The following FOXP2 variants were observed in gnomAD, a reference collection of about 807,000 sequenced individuals.
FOXP2 encodes forkhead box protein P2.
FOXP2 carries 12 observed loss-of-function variants against 115.8 expected under a neutral mutation model. That is an observed-to-expected ratio of 0.10 (90% CI 0.07 to 0.17). The LOEUF (loss-of-function observed/expected upper bound fraction) is 0.17. FOXP2 is among the 10% of genes least tolerant of loss of function. The probability of loss-of-function intolerance (pLI) is 1.00; values close to 1 mark genes in which losing one functional copy is unlikely to be tolerated. For missense variants in FOXP2, 629 were observed against 843.5 expected, an observed-to-expected ratio of 0.75 and a Z score of 3.15; for synonymous variants, 328 against 297.7, an observed-to-expected ratio of 1.10 and a Z score of -1.05.
chr7:114,091,094 A>G (rs572140335), intron 1 of FOXP2, among the ~76,000 whole-genome samples: 2 of 151,946 alleles, frequency 1.3e-5, no homozygotes, highest in East Asian at 3.9e-4. Context: ...TTTCCTGTAA[A>G]ATAAATGGGT....
At chr7:114,640,508 T>C (rs1297448677) in intron 6 of FOXP2, among the ~76,000 whole-genome samples, 1 of 152,188 alleles carries the variant, frequency 6.6e-6, no homozygotes, top group Non-Finnish European at 1.5e-5. Flanking sequence ...CCAGAAGTTA[T>C]GTTTGGAACA....
At chr7:114,645,978 G>T (rs1257159048) in intron 8 of FOXP2, 1 of 141,444 alleles carries the variant, frequency 7.1e-6, no homozygotes, top group Non-Finnish European at 1.5e-5. Context: ...GTTGTGAGCT[G>T]CCATTTCCTT....
At chr7:114,252,426 CT>C (rs1208224005) in intron 1 of FOXP2, among the ~76,000 whole-genome samples, 1 of 151,966 alleles carries the variant, frequency 6.6e-6, no homozygotes, top group Non-Finnish European at 1.5e-5. Flanking sequence ...TGGTCCTGGA[CT>C]TTTTTTGGTT....
At position 114,163,997 on chromosome 7, in the gene FOXP2, C is replaced by T. The variant is rs753083002; in HGVS notation, c.-102+909C>T. ...AATGAAAACTTAATAAAGTTGACTA[C>T]GGCTAAGTCATACATTGCATACAGT... On this transcript the variant is annotated intron_variant, in intron 1 of 17. Transcript: ENST00000634411. Among the ~76,000 whole-genome samples the T allele has an allele frequency of 1.2e-4, 18 of 152,282 alleles. 1 individual carries two copies. Among genetic ancestry groups the T allele is most frequent in the South Asian group, 6.2e-4 (3 of 4,824 alleles).
chr7:114,546,804 C>T (rs1799946730), intron 3 of FOXP2, among the ~76,000 whole-genome samples: 1 of 152,212 alleles, frequency 6.6e-6, no homozygotes, highest in South Asian at 2.1e-4. Flanking sequence ...ACTTCTCTAG[C>T]TCAATCGCAG....
rs147417700 is a variant in FOXP2 at position 114,124,069 on chromosome 7, C to CCT, written c.-247+36244_-247+36245dup. On this transcript the variant is annotated intron_variant, in intron 1 of 19. Coordinates refer to the FOXP2 transcript ENST00000635638. ...ATGGGTTTCTTTCTTCCATTTTTAT[C>CCT]CTCTCTCTCTCTCTGTTGCCTGTAA... Among the ~76,000 whole-genome samples the CCT allele has an allele frequency of 2.0e-3, 303 of 150,254 alleles. 2 individuals are homozygous for CCT. The highest frequency in any genetic ancestry group is 6.8e-3 in the African/African-American group (280 of 41,208).
intron 1 of FOXP2, among the ~76,000 whole-genome samples, chr7:114,257,735 G>T (rs557207911): frequency 1.1e-4 from 16 of 152,074 alleles, no homozygotes; most frequent in Non-Finnish European, 2.2e-4. Flanking sequence ...TTACTGGCAT[G>T]AGCCACCGTG....
At chr7:114,277,560 A>G (rs902440558) in intron 1 of FOXP2, among the ~76,000 whole-genome samples, 46 of 152,278 alleles carry the variant, frequency 3.0e-4, no homozygotes, top group African/African-American at 1.1e-3. Context: ...CTTGCAAGCC[A>G]GTTTCCTACA....
At chr7:114,553,546 TA>T (rs1166519270) in intron 3 of FOXP2, among the ~76,000 whole-genome samples, 23 of 152,298 alleles carry the variant, frequency 1.5e-4, no homozygotes, top group African/African-American at 5.3e-4. Flanking sequence ...TAGAAATCTA[TA>T]ACTTCATTTT....
rs185341632 is a variant in FOXP2 at position 114,379,619 on chromosome 7, T to A, written c.-10-46883T>A. On this transcript the variant is annotated intron_variant, in intron 2 of 17. Coordinates refer to the FOXP2 transcript ENST00000634411. ...CGGTGGATCTTAGTCATGGACTGCA[T>A]CTGGGGCTCCATTTGAAAAACCATT... Among the ~76,000 whole-genome samples, 523 of 152,284 alleles carry A rather than the reference T, an allele frequency of 3.4e-3. 4 individuals are homozygous for A. Among genetic ancestry groups the A allele is most frequent in the African/African-American group, 0.012 (503 of 41,554 alleles).
At chr7:114,204,859 T>C (rs1794159018) in intron 1 of FOXP2, among the ~76,000 whole-genome samples, 1 of 150,966 alleles carries the variant, frequency 6.6e-6, no homozygotes, top group Non-Finnish European at 1.5e-5. Context: ...ACCTAAATAA[T>C]CCTCGAAGTA....
chr7:114,675,887 T>G (rs1055395095), intron 16 of FOXP2, among the ~76,000 whole-genome samples: 2 of 151,250 alleles, frequency 1.3e-5, no homozygotes, highest in South Asian at 4.1e-4. Flanking sequence ...TATACACATT[T>G]TCTTTATTTT....
At chr7:114,318,381 T>G (rs79037656) in intron 2 of FOXP2, among the ~76,000 whole-genome samples, 2 of 55,334 alleles carry the variant, frequency 3.6e-5, no homozygotes, top group African/African-American at 8.3e-4. Context: ...CTCTCTTTGT[T>G]TTTTTTTTTT....
At chr7:114,404,820 A>G (rs560909468) in intron 2 of FOXP2, among the ~76,000 whole-genome samples, 1 of 152,090 alleles carries the variant, frequency 6.6e-6, no homozygotes, top group African/African-American at 2.4e-5. Flanking sequence ...GAAGTGCCCT[A>G]TCAGCTTGAA....
chr7:114,144,037 T>C (rs1584504934), intron 1 of FOXP2, among the ~76,000 whole-genome samples: 2 of 152,126 alleles, frequency 1.3e-5, no homozygotes, highest in African/African-American at 2.4e-5. Flanking sequence ...AATGCAGTAG[T>C]TGAGATATTC....
intron 2 of FOXP2, among the ~76,000 whole-genome samples, chr7:114,328,323 G>A (rs979450732): frequency 2.9e-4 from 42 of 145,176 alleles, no homozygotes; most frequent in Non-Finnish European, 5.2e-4. Flanking sequence ...TGCAAGCTCC[G>A]CCTCCTGGAT....
intron 3 of FOXP2, among the ~76,000 whole-genome samples, chr7:114,607,965 G>A (rs1803421714): frequency 2.0e-5 from 3 of 152,124 alleles, no homozygotes; most frequent in Non-Finnish European, 2.9e-5. Context: ...CTATAAATCA[G>A]GTGGGCAAAA....
intron 3 of FOXP2, among the ~76,000 whole-genome samples, chr7:114,568,527 A>G (rs1801134258): frequency 6.6e-6 from 1 of 151,856 alleles, no homozygotes; most frequent in Non-Finnish European, 1.5e-5. Context: ...ATAGTAACTA[A>G]AGAAGATATG....
At chr7:114,580,706 C>G (rs1018135198) in intron 3 of FOXP2, among the ~76,000 whole-genome samples, 1 of 152,052 alleles carries the variant, frequency 6.6e-6, no homozygotes, top group Non-Finnish European at 1.5e-5. Context: ...AATTTTATAC[C>G]TGGTTATCTG....
Sources: gnomAD v4.1 joint callset for allele counts (sites outside exome capture counted in the v4.1 genomes callset) on GRCh38, gnomAD v4.1.1 for gene constraint, MANE v1.5 for transcripts, NCBI Gene and HGNC (gene_info 2026-07-23, HGNC 2026-07-21) for gene names.